MTMR10: variants seen among roughly 807,000 people sequenced by gnomAD.
The protein encoded by MTMR10 is myotubularin-related protein 10.
A neutral mutation model predicts 88.1 loss-of-function variants in MTMR10; 56 were observed. That is an observed-to-expected ratio of 0.64 (90% CI 0.51 to 0.79). MTMR10 has a LOEUF of 0.79. MTMR10 is among the 30% of genes least tolerant of loss of function. The pLI is 0.00. For synonymous variants in MTMR10, 380 were observed against 340.9 expected (o/e 1.11, Z -1.26); for missense variants, 883 against 924.7 (o/e 0.95, Z 0.58).
At chr15:30,974,516 T>G in intron 4 of MTMR10, 60 bp from the exon 5 acceptor site, 1 of 1,347,766 alleles carries the variant, frequency 7.4e-7, no homozygotes, top group Non-Finnish European at 9.8e-7. Context: ...TTACTCACCC[T>G]TTAATACAAA....
chr15:30,927,131 C>A, the MTMR10 span: 1 of 912,616 alleles, frequency 1.1e-6, no homozygotes, highest in Non-Finnish European at 1.3e-6. Context: ...ATCTCTTGAC[C>A]CCAGGAGGTC....
At chr15:30,945,411 C>G (rs1411212234) in intron 14 of MTMR10, among the ~76,000 whole-genome samples, 1 of 152,170 alleles carries the variant, frequency 6.6e-6, no homozygotes, top group African/African-American at 2.4e-5. Flanking sequence ...TCTGTCCGCA[C>G]ACACAGCATC....
chr15:30,947,099 A>G, intron 14 of MTMR10, 31 bp downstream of exon 14: 1 of 1,556,746 alleles, frequency 6.4e-7, no homozygotes, highest in Non-Finnish European at 8.7e-7. Context: ...AAAAACAGGG[A>G]AAACGTAGCC....
intron 6 of MTMR10, among the ~76,000 whole-genome samples, chr15:30,964,382 T>A (rs1386840255): frequency 6.6e-6 from 1 of 152,212 alleles, no homozygotes; most frequent in Non-Finnish European, 1.5e-5. Context: ...TGTTTCAAGA[T>A]CTAACTTACA....
chr15:30,965,491 TAAGA>T (rs1004919845), intron 6 of MTMR10, among the ~76,000 whole-genome samples: 2 of 152,216 alleles, frequency 1.3e-5, no homozygotes, highest in African/African-American at 4.8e-5. Context: ...ATCAATTCTA[TAAGA>T]AAGATGAATC....
chr15:30,962,219 G>A (rs1250904175), intron 6 of MTMR10, among the ~76,000 whole-genome samples: 1 of 152,156 alleles, frequency 6.6e-6, no homozygotes, highest in Non-Finnish European at 1.5e-5. Flanking sequence ...CATGCTCACA[G>A]CCTCAAGAGT....
In MTMR10 at chr15:30,940,871, A is replaced by C. The variant is rs980005123; in HGVS notation, c.*599T>G. The C allele has an allele frequency of 2.0e-6, 2 of 1,010,118 alleles. No individual in the cohort carries two copies. The highest frequency in any genetic ancestry group is 5.5e-5 in the Admixed American group (1 of 18,144). The allele number at this position is 1,010,118 out of a possible 1,614,324, so 62.6% of individuals were successfully genotyped here. On this transcript the variant is annotated 3_prime_UTR_variant, in exon 16 of 16. Coordinates refer to ENST00000435680, the MANE Select transcript of MTMR10 (RefSeq NM_017762.3). ...GCAAATGCTTTAAAATTAACAGTGCATATCATTTTAAAGTTGACCCTATGA... is the reference window on the plus strand; with the variant it reads ...GCAAATGCTTTAAAATTAACAGTGCCTATCATTTTAAAGTTGACCCTATGA...
rs1188687029 is a variant in MTMR10 at position 30,941,213 on chromosome 15, AGAC to A, written c.*254_*256del. On this transcript the variant is annotated 3_prime_UTR_variant, in exon 16 of 16. Coordinates refer to ENST00000435680, the MANE Select transcript of MTMR10 (RefSeq NM_017762.3). ...AAATGGATGGAGACAAAAATGTAGCAGACAACATGAACAGTTTGATCACGGTTA... is the reference window on the plus strand; with the variant it reads ...AAATGGATGGAGACAAAAATGTAGCAAACATGAACAGTTTGATCACGGTTA... The A allele has an allele frequency of 1.1e-5, 15 of 1,384,542 alleles. No individual in the cohort carries two copies. Among genetic ancestry groups the A allele is most frequent in the Non-Finnish European group, 1.4e-5 (15 of 1,051,768 alleles). The allele number at this position is 1,384,542 out of a possible 1,614,324, so 85.8% of individuals were successfully genotyped here. A position where few individuals can be genotyped will look rare whatever the true frequency, so the allele number is the denominator to read the frequency against.
chr15:30,938,306 C>G (rs1444501288), downstream of MTMR10, among the ~76,000 whole-genome samples: 2 of 152,100 alleles, frequency 1.3e-5, no homozygotes, highest in African/African-American at 4.8e-5. Flanking sequence ...AGCTGTTAAA[C>G]TTTTATGATT....
At chr15:30,930,409 C>T in the MTMR10 span, 30 of 1,013,722 alleles carry the variant, frequency 3.0e-5, no homozygotes, top group Admixed American at 1.3e-4. Flanking sequence ...AGCAGAACAG[C>T]GCATGGTGGG....
the MTMR10 span, among the ~76,000 whole-genome samples, chr15:30,919,177 C>CT: frequency 6.6e-6 from 1 of 150,838 alleles, no homozygotes; most frequent in African/African-American, 2.4e-5. Context: ...GGTCGGGAGT[C>CT]TGAGACCAGC....
chr15:30,943,824 C>T, intron 14 of MTMR10: 1 of 985,396 alleles, frequency 1.0e-6, no homozygotes, highest in African/African-American at 1.7e-5. Flanking sequence ...CAGCCCAGAC[C>T]ATTTCTATGA....
At chr15:30,977,222 A>T (rs1255740617) in intron 2 of MTMR10, among the ~76,000 whole-genome samples, 1 of 152,224 alleles carries the variant, frequency 6.6e-6, no homozygotes, top group Non-Finnish European at 1.5e-5. Context: ...CTTTTTTCCT[A>T]TGCCATACTA....
chr15:30,977,527 A>G (rs1298374967), intron 2 of MTMR10, among the ~76,000 whole-genome samples: 1 of 152,258 alleles, frequency 6.6e-6, no homozygotes, highest in Non-Finnish European at 1.5e-5. Context: ...AGAAATAAAT[A>G]TAAGAAACCA....
rs759858674 is a variant in MTMR10, at chr15:30,958,903, G to A, written c.895C>T (p.Leu299Phe). The A allele has an allele frequency of 6.2e-7, 1 of 1,613,894 alleles. No homozygotes were observed. The highest frequency in any genetic ancestry group is 1.1e-5 in the South Asian group (1 of 91,068). ...SNGSALVRMALIKDVLQQRKI... is the reference protein window; with the variant it reads ...SNGSALVRMAFIKDVLQQRKI... The stretch of plus-strand genomic sequence containing the variant: ...CTCTGCTGCAGCACGTCTTTGATGA[G>A]GGCCATTCGCACAAGAGCACTGCCG... Residue 299 changes from leucine to phenylalanine, a missense_variant, in exon 9 of 16, where the codon CTC becomes TTC. Physicochemically the swap from Leu to Phe is conservative, Grantham distance 22. This residue lies in a region of MTMR10 where 414 missense variants were observed against 423.2 expected (regional missense o/e 0.98). Coordinates refer to ENST00000435680, the MANE Select transcript of MTMR10 (RefSeq NM_017762.3).
At chr15:30,988,871 TC>T (rs1156437455) in intron 2 of MTMR10, among the ~76,000 whole-genome samples, 1 of 150,834 alleles carries the variant, frequency 6.6e-6, no homozygotes, top group African/African-American at 2.4e-5. Flanking sequence ...GCTCCTGTAA[TC>T]CCAGCTACTT....
intron 14 of MTMR10, chr15:30,946,451 C>A: frequency 6.0e-6 from 2 of 331,338 alleles, no homozygotes; most frequent in Non-Finnish European, 1.1e-5. Flanking sequence ...AGGTTTCCCG[C>A]TCCCTAGGTC....
At chr15:30,955,408 T>C (rs373890319) in intron 9 of MTMR10, among the ~76,000 whole-genome samples, 141 of 152,258 alleles carry the variant, frequency 9.3e-4, no homozygotes, top group Non-Finnish European at 1.2e-3. Flanking sequence ...GTAGTTGGGA[T>C]TACAGGCACC....
At chr15:30,970,102 G>A (rs2063519839) in intron 5 of MTMR10, among the ~76,000 whole-genome samples, 1 of 152,120 alleles carries the variant, frequency 6.6e-6, no homozygotes, top group Non-Finnish European at 1.5e-5. Flanking sequence ...GTAGGATATA[G>A]GTGGTTCTGT....
Sources: gnomAD v4.1 joint callset for allele counts (sites outside exome capture counted in the v4.1 genomes callset) on GRCh38, gnomAD v4.1.1 for gene constraint, gnomAD v4.1.1 regional missense constraint, MANE v1.5 for transcripts, NCBI Gene and HGNC (gene_info 2026-07-23, HGNC 2026-07-21) for gene names.